Variants in HAVCR2 observed in about 807,000 individuals in gnomAD.
The protein encoded by HAVCR2 is T cell immunoglobulin mucin 3.
HAVCR2 carries 13 observed loss-of-function variants against 24.7 expected under a neutral mutation model. The observed-to-expected ratio is 0.53, with a 90% CI of 0.34 to 0.84. HAVCR2 has a LOEUF of 0.84. Ranked by LOEUF, HAVCR2 falls within the 40% of genes least tolerant of loss-of-function variation. HAVCR2 has a pLI of 0.01. For missense variants in HAVCR2, 343 were observed against 371.2 expected (o/e 0.92, Z 0.62); for synonymous variants, 154 against 143.4 (o/e 1.07, Z -0.53).
intron 1 of HAVCR2, 195 bp from the exon 2 acceptor site, chr5:157,107,157 G>T (rs1757265008): frequency 1.8e-6 from 1 of 562,820 alleles, no homozygotes; most frequent in Non-Finnish European, 3.1e-6. Flanking sequence ...CGAAAACACA[G>T]ATTGCTGGGC....
At chr5:157,103,855 T>TA (rs1757206651) in intron 3 of HAVCR2, among the ~76,000 whole-genome samples, 1 of 152,214 alleles carries the variant, frequency 6.6e-6, no homozygotes, top group African/African-American at 2.4e-5. Flanking sequence ...GTCACTGAAG[T>TA]ACTTTAACCA....
intron 3 of HAVCR2, among the ~76,000 whole-genome samples, chr5:157,102,515 T>C (rs1047693997): frequency 1.3e-5 from 2 of 152,260 alleles, no homozygotes; most frequent in African/African-American, 4.8e-5. Flanking sequence ...ATTTAGGAGC[T>C]ACTGACCTAT....
intron 3 of HAVCR2, among the ~76,000 whole-genome samples, chr5:157,103,026 G>A (rs1007157120): frequency 2.0e-5 from 3 of 151,828 alleles, no homozygotes; most frequent in Admixed American, 6.6e-5. Flanking sequence ...CCTCGACAGG[G>A]AGTGAACTCC....
intron 5 of HAVCR2, among the ~76,000 whole-genome samples, chr5:157,093,112 C>CAT (rs138674966): frequency 0.034 from 4,814 of 139,758 alleles, 185 homozygotes; most frequent in Admixed American, 0.1. Flanking sequence ...CATATATATA[C>CAT]ATATATATAT....
chr5:157,104,708 C>T lies in HAVCR2; in HGVS notation c.436G>A (p.Ala146Thr). Reference sequence around the variant, plus strand: ...GTGGTAAGCATCCTTGGAAAGGCTGCAGTGAAGTCTCTCTGCCGAGTCGGT... The same window carrying T: ...GTGGTAAGCATCCTTGGAAAGGCTGTAGTGAAGTCTCTCTGCCGAGTCGGT... ...PAPTRQRDFT[A>T]AFPRMLTTRG... Residue 146 changes from alanine (A) to threonine (T), a missense_variant, in exon 3 of 7, where the codon GCA becomes ACA. Transcript: ENST00000307851. 1 of 1,605,122 alleles carries T rather than the reference C, an allele frequency of 6.2e-7. No individual in the cohort carries two copies. The highest frequency in any genetic ancestry group is 8.5e-7 in the Non-Finnish European group (1 of 1,175,282).
intron 5 of HAVCR2, among the ~76,000 whole-genome samples, chr5:157,092,913 A>AAAAAAAAAAAAAATAAAAAT (rs1561619880): frequency 8.1e-6 from 1 of 122,972 alleles, no homozygotes; most frequent in African/African-American, 3.1e-5. Context: ...AAAAAAAAAA[A>AAAAAAAAAAAAAATAAAAAT]AAAAACTAGC....
In HAVCR2 at chr5:157,095,455, A is replaced by G; in HGVS notation, c.527T>C (p.Ile176Thr). ...CCGTAACTCATTGGCCAATGTGGAT[A>G]TTTGCTATGGAAACACAAACAGGAT... is the stretch of plus-strand genomic sequence containing the variant. ...GSLPDINLTQISTLANELRDS... is the reference protein window; with the variant it reads ...GSLPDINLTQTSTLANELRDS... The change falls in exon 5 of 7, where the codon ATA becomes ACA. Residue 176 changes from isoleucine (I) to threonine (T), a missense_variant. Transcript: ENST00000307851. 1 of 1,613,968 alleles carries G rather than the reference A, an allele frequency of 6.2e-7. No homozygotes were observed. Among genetic ancestry groups the G allele is most frequent in the Non-Finnish European group, 8.5e-7 (1 of 1,179,958 alleles).
Position 157,088,940 on chromosome 5 carries a change from C to A in HAVCR2, c.713+1G>T. ...TCCCAACCCCATTCCATTATTCTTA[C>A]CTTAAATTCTGTATCTTCTCTTTGC... On this transcript the variant is annotated splice_donor_variant, in intron 6 of 6. Transcript: ENST00000307851. LOFTEE classifies it high-confidence loss of function. 6.2e-7 allele frequency: 1 copy of A among 1,609,492 alleles called. No individual in the cohort carries two copies. Among genetic ancestry groups the A allele is most frequent in the Middle Eastern group, 1.7e-4 (1 of 6,052 alleles).
intron 2 of HAVCR2, chr5:157,106,352 G>A (rs900774993): frequency 2.8e-5 from 11 of 386,924 alleles, no homozygotes; most frequent in Non-Finnish European, 4.2e-5. Flanking sequence ...GGCTGGTCTC[G>A]AATTCCTGAC....
chr5:157,099,789 G>A (rs1757144297), intron 3 of HAVCR2, among the ~76,000 whole-genome samples: 1 of 151,968 alleles, frequency 6.6e-6, no homozygotes, highest in Admixed American at 6.6e-5. Flanking sequence ...TCCATCTCCT[G>A]AGTTCAAGCG....
chr5:157,091,526 C>T (rs1323419548), intron 5 of HAVCR2, among the ~76,000 whole-genome samples: 3 of 151,910 alleles, frequency 2.0e-5, no homozygotes, highest in East Asian at 1.9e-4. Context: ...TGACCATTTC[C>T]GTTGTGCTTT....
chr5:157,100,489 G>T (rs953373108), intron 3 of HAVCR2, among the ~76,000 whole-genome samples: 1 of 152,188 alleles, frequency 6.6e-6, no homozygotes, highest in East Asian at 1.9e-4. Flanking sequence ...AGGCACAGGG[G>T]ACAGAGCAGG....
chr5:157,089,928 A>G (rs1001567602), intron 5 of HAVCR2, among the ~76,000 whole-genome samples: 1 of 152,154 alleles, frequency 6.6e-6, no homozygotes, highest in African/African-American at 2.4e-5. Flanking sequence ...CTTGAAGGGC[A>G]GAGATGTGAT....
chr5:157,091,592 A>T (rs1479166908), intron 5 of HAVCR2, among the ~76,000 whole-genome samples: 1 of 152,122 alleles, frequency 6.6e-6, no homozygotes, highest in Non-Finnish European at 1.5e-5. Context: ...AAAAGTAGAG[A>T]CAACTCCTTT....
chr5:157,097,629 C>T (rs945777464), intron 4 of HAVCR2, among the ~76,000 whole-genome samples: 14 of 151,804 alleles, frequency 9.2e-5, no homozygotes, highest in Non-Finnish European at 5.9e-5. Flanking sequence ...GAGGGAATTT[C>T]GCTCTTGTTG....
At chr5:157,093,311 C>T (rs113572815) in intron 5 of HAVCR2, among the ~76,000 whole-genome samples, 36 of 152,110 alleles carry the variant, frequency 2.4e-4, no homozygotes, top group African/African-American at 8.4e-4. Context: ...AGGCAAGTGA[C>T]CTAACCTTTT....
intron 4 of HAVCR2, among the ~76,000 whole-genome samples, chr5:157,096,187 G>A (rs1256992326): frequency 1.5e-5 from 2 of 131,622 alleles, no homozygotes; most frequent in African/African-American, 5.8e-5. Flanking sequence ...TTGAGATCAT[G>A]CCACTGCACG....
rs751807490 is a variant in HAVCR2 at position 157,106,899 on chromosome 5, G to T, written c.122C>A (p.Thr41Asn). The stretch of plus-strand genomic sequence containing the variant: ...CACGAGGTTCCCTGGGGCGGCTGGG[G>T]TGTAGAAGCAGGGCAGATAGGCATT... Reference protein sequence around the residue: ...GQNAYLPCFYTPAAPGNLVPV... With the variant: ...GQNAYLPCFYNPAAPGNLVPV... The change falls in exon 2 of 7, where the codon ACC becomes AAC. Residue 41 changes from threonine (T) to asparagine (N), a missense_variant. By Grantham distance (65) the Thr-to-Asn change is moderately conservative. Coordinates refer to ENST00000307851, the MANE Select transcript of HAVCR2 (RefSeq NM_032782.5). 1 of 1,614,088 alleles carries T rather than the reference G, an allele frequency of 6.2e-7. No individual in the cohort carries two copies. The highest frequency in any genetic ancestry group is 8.5e-7 in the Non-Finnish European group (1 of 1,180,042).
chr5:157,099,026 T>G, intron 3 of HAVCR2, 125 bp from the exon 4 acceptor site: 1 of 788,608 alleles, frequency 1.3e-6, no homozygotes, highest in Non-Finnish European at 1.9e-6. Context: ...AAATGAATTC[T>G]ACTCCGTACT....
Sources: allele counts gnomAD v4.1 joint callset (sites outside exome capture counted in the v4.1 genomes callset), GRCh38; gene constraint gnomAD v4.1.1; transcripts MANE v1.5; gene names NCBI Gene and HGNC (gene_info 2026-07-23, HGNC 2026-07-21).